MED13L: variants seen among roughly 807,000 people sequenced by gnomAD.
MED13L encodes mediator complex subunit 13L.
MED13L carries 7 observed loss-of-function variants against 220.9 expected under a neutral mutation model. That is an observed-to-expected ratio of 0.03 (90% CI 0.02 to 0.06). The LOEUF (loss-of-function observed/expected upper bound fraction) is 0.06, where lower values mean the gene tolerates loss of function less well. MED13L is among the 10% of genes least tolerant of loss of function. MED13L has a pLI of 1.00. For missense variants in MED13L, 1,965 were observed against 2,760.5 expected, an observed-to-expected ratio of 0.71 and a Z score of 6.46; for synonymous variants, 1,011 against 1,015.2, an observed-to-expected ratio of 1.00 and a Z score of 0.08.
At chr12:116,182,380 TCTC>T (rs1036354578) in intron 2 of MED13L, among the ~76,000 whole-genome samples, 3 of 152,088 alleles carry the variant, frequency 2.0e-5, no homozygotes, top group Non-Finnish European at 4.4e-5. Context: ...CTCTGACACT[TCTC>T]CTATCTTTGG....
At chr12:116,227,921 AAAAT>A (rs1869163154) in intron 2 of MED13L, among the ~76,000 whole-genome samples, 1 of 152,192 alleles carries the variant, frequency 6.6e-6, no homozygotes, top group Admixed American at 6.5e-5. Flanking sequence ...GAATGCAAAA[AAAAT>A]AAATAAATAA....
chr12:115,976,652 TATA>T (rs571317997), intron 23 of MED13L, among the ~76,000 whole-genome samples: 81 of 152,254 alleles, frequency 5.3e-4, no homozygotes, highest in Non-Finnish European at 8.5e-4. Flanking sequence ...TGTCTGTGTA[TATA>T]ATTTTAAAAA....
chr12:116,221,390 A>AAT (rs1486911237), intron 2 of MED13L, among the ~76,000 whole-genome samples: 1 of 151,820 alleles, frequency 6.6e-6, no homozygotes, highest in Non-Finnish European at 1.5e-5. Context: ...AAAAAAAAAA[A>AAT]ATGAGTAGTA....
chr12:116,234,749 C>T (rs1048446539), intron 2 of MED13L, among the ~76,000 whole-genome samples: 2 of 152,096 alleles, frequency 1.3e-5, no homozygotes, highest in Admixed American at 6.6e-5. Context: ...CCTTGGCCTC[C>T]TGGGTTTAAG....
intron 2 of MED13L, among the ~76,000 whole-genome samples, chr12:116,128,617 T>G (rs2137991549): frequency 6.6e-6 from 1 of 152,330 alleles, no homozygotes; most frequent in African/African-American, 2.4e-5. Flanking sequence ...AACTCTTTAT[T>G]CTCTTTCCTA....
At chr12:115,971,021 A>T (rs952262366) in intron 26 of MED13L, among the ~76,000 whole-genome samples, 7 of 152,262 alleles carry the variant, frequency 4.6e-5, no homozygotes, top group African/African-American at 1.4e-4. Flanking sequence ...AAATGTTTTA[A>T]TTACTTACGT....
chr12:116,022,822 C>A (rs550492818), intron 4 of MED13L, among the ~76,000 whole-genome samples: 2 of 152,164 alleles, frequency 1.3e-5, no homozygotes, highest in African/African-American at 2.4e-5. Flanking sequence ...TTGTAAGTTA[C>A]TGTACAAAAT....
intron 16 of MED13L, among the ~76,000 whole-genome samples, chr12:115,994,583 T>C (rs1431279375): frequency 1.3e-5 from 2 of 152,240 alleles, no homozygotes; most frequent in African/African-American, 2.4e-5. Context: ...ATCTAAATAA[T>C]GACCTAAATG....
intron 3 of MED13L, 110 bp downstream of exon 3, chr12:116,111,318 T>C: frequency 1.2e-6 from 1 of 826,452 alleles, no homozygotes; most frequent in East Asian, 2.4e-5. Context: ...ATTTTCATAC[T>C]AGCAATAAAT....
chr12:116,124,106 A>AGAGAGAGAGAGAAAGAC (rs1354705222), intron 2 of MED13L, among the ~76,000 whole-genome samples: 1 of 142,076 alleles, frequency 7.0e-6, no homozygotes, highest in Non-Finnish European at 1.5e-5. Context: ...TAACATCTGC[A>AGAGAGAGAGAGAAAGAC]GAGAGAGAGA....
intron 4 of MED13L, among the ~76,000 whole-genome samples, chr12:116,063,015 A>C (rs1162050844): frequency 1.3e-5 from 2 of 152,318 alleles, no homozygotes; most frequent in South Asian, 4.1e-4. Context: ...TCTCAAAATA[A>C]GTTGTAGATC....
At chr12:116,164,295 AC>A (rs1163590602) in intron 2 of MED13L, among the ~76,000 whole-genome samples, 1 of 152,234 alleles carries the variant, frequency 6.6e-6, no homozygotes. Context: ...ATGTATTTAA[AC>A]AATCTCAAAT....
At chr12:116,170,439 C>G (rs984546839) in intron 2 of MED13L, among the ~76,000 whole-genome samples, 5 of 152,054 alleles carry the variant, frequency 3.3e-5, no homozygotes, top group African/African-American at 1.2e-4. Context: ...GATGCTCCAT[C>G]TTAAGAAGTA....
intron 1 of MED13L, among the ~76,000 whole-genome samples, chr12:116,254,069 A>T (rs2138530439): frequency 6.6e-6 from 1 of 151,994 alleles, no homozygotes; most frequent in Middle Eastern, 3.4e-3. Context: ...ACGGTATTTT[A>T]AAAACTAAGA....
chr12:116,038,255 G>GGTATAA (rs1881306834), intron 4 of MED13L, among the ~76,000 whole-genome samples: 1 of 151,938 alleles, frequency 6.6e-6, no homozygotes, highest in African/African-American at 2.4e-5. Flanking sequence ...ATAAGACATG[G>GGTATAA]GGGATGATGA....
chr12:116,195,695 C>T (rs1227867769), intron 2 of MED13L, among the ~76,000 whole-genome samples: 1 of 152,024 alleles, frequency 6.6e-6, no homozygotes, highest in East Asian at 1.9e-4. Flanking sequence ...AAGCGATCCA[C>T]CCACCTCAGC....
intron 3 of MED13L, among the ~76,000 whole-genome samples, chr12:116,102,703 C>CCTTTTTT (rs1873175799): frequency 6.3e-5 from 4 of 63,200 alleles, no homozygotes; most frequent in African/African-American, 2.1e-4. Flanking sequence ...TTTTCTTTTT[C>CCTTTTTT]TTTTTTCTTT....
At chr12:116,151,932 C>T (rs1032844640) in intron 2 of MED13L, among the ~76,000 whole-genome samples, 23 of 152,168 alleles carry the variant, frequency 1.5e-4, no homozygotes, top group African/African-American at 5.6e-4. Context: ...TTCTCAAATA[C>T]AAATTTCTGA....
At chr12:115,972,264 A>G in intron 25 of MED13L, 28 bp from the exon 26 acceptor site, 1 of 1,609,438 alleles carries the variant, frequency 6.2e-7, no homozygotes, top group Non-Finnish European at 8.5e-7. Flanking sequence ...AGTCATACAC[A>G]GTCTTTAGAA....
Sources: gnomAD v4.1 joint callset for allele counts (sites outside exome capture counted in the v4.1 genomes callset) on GRCh38, gnomAD v4.1.1 for gene constraint, MANE v1.5 for transcripts, NCBI Gene and HGNC (gene_info 2026-07-23, HGNC 2026-07-21) for gene names.